Variants in CTNNBL1 observed in about 807,000 individuals in gnomAD.
The protein encoded by CTNNBL1 is beta-catenin-like protein 1.
A neutral mutation model predicts 72.7 loss-of-function variants in CTNNBL1; 31 were observed. The observed-to-expected ratio is 0.43, with a 90% confidence interval of 0.32 to 0.58. The LOEUF is 0.58. Ranked by LOEUF, CTNNBL1 falls within the 20% of genes least tolerant of loss-of-function variation. The probability of loss-of-function intolerance (pLI) is 0.08; values close to 1 mark genes in which losing one functional copy is unlikely to be tolerated. For missense variants in CTNNBL1, 534 were observed against 725.1 expected (o/e 0.74, Z 3.03); for synonymous variants, 240 against 267.3 (o/e 0.90, Z 1.00).
chr20:37,865,991 C>T (rs1053929045), intron 15 of CTNNBL1, among the ~76,000 whole-genome samples: 3 of 152,168 alleles, frequency 2.0e-5, no homozygotes, highest in Non-Finnish European at 4.4e-5. Context: ...CTTGGTAACC[C>T]AATTTGTGTG....
chr20:37,709,327 A>C (rs182931346), intron 1 of CTNNBL1, among the ~76,000 whole-genome samples: 1 of 152,278 alleles, frequency 6.6e-6, no homozygotes, highest in African/African-American at 2.4e-5. Flanking sequence ...AATACATAAA[A>C]TTGAGGGTTG....
At chr20:37,870,660 C>G (rs895803199) in intron 15 of CTNNBL1, among the ~76,000 whole-genome samples, 1 of 152,188 alleles carries the variant, frequency 6.6e-6, no homozygotes, top group Admixed American at 6.5e-5. Context: ...TTGCTTCCCC[C>G]ATGGTGTCCC....
At chr20:37,776,749 T>A (rs1459650224) in intron 7 of CTNNBL1, among the ~76,000 whole-genome samples, 1 of 152,198 alleles carries the variant, frequency 6.6e-6, no homozygotes, top group Non-Finnish European at 1.5e-5. Flanking sequence ...GTAATTTGGG[T>A]GTTAAAATAT....
At chr20:37,808,314 A>ACGC (rs2071978382) in intron 11 of CTNNBL1, among the ~76,000 whole-genome samples, 1 of 152,174 alleles carries the variant, frequency 6.6e-6, no homozygotes, top group Non-Finnish European at 1.5e-5. Flanking sequence ...CAGAGCTCCC[A>ACGC]CGCCGCCTCC....
At chr20:37,756,703 T>C (rs1319144342) in intron 4 of CTNNBL1, among the ~76,000 whole-genome samples, 1 of 145,344 alleles carries the variant, frequency 6.9e-6, no homozygotes, top group African/African-American at 2.5e-5. Flanking sequence ...AGTGACACGA[T>C]CATAGCTCAC....
At chr20:37,769,252 C>T (rs544663276) in intron 7 of CTNNBL1, among the ~76,000 whole-genome samples, 12 of 152,250 alleles carry the variant, frequency 7.9e-5, no homozygotes, top group South Asian at 2.1e-4. Flanking sequence ...TTTATCTGTA[C>T]GATAAATTCA....
chr20:37,755,836 C>A (rs1361742028), intron 4 of CTNNBL1, among the ~76,000 whole-genome samples: 1 of 152,218 alleles, frequency 6.6e-6, no homozygotes, highest in Non-Finnish European at 1.5e-5. Flanking sequence ...CCACAACTAC[C>A]CACACATGCT....
chr20:37,722,629 A>G (rs1381235545), intron 1 of CTNNBL1, among the ~76,000 whole-genome samples: 2 of 152,144 alleles, frequency 1.3e-5, no homozygotes, highest in African/African-American at 4.8e-5. Context: ...TAATCTTCCT[A>G]TCCCTTAGCT....
At chr20:37,842,264 G>A (rs1254044042) in intron 12 of CTNNBL1, 75 bp from the exon 13 acceptor site, 25 of 1,004,496 alleles carry the variant, frequency 2.5e-5, no homozygotes, top group Non-Finnish European at 3.8e-5. Context: ...ACAGTGAGAT[G>A]AATAGGAGTG....
intron 1 of CTNNBL1, among the ~76,000 whole-genome samples, chr20:37,723,618 T>A (rs866241521): frequency 1.5e-4 from 23 of 152,354 alleles, no homozygotes; most frequent in Middle Eastern, 3.4e-3. Context: ...TATATTTGAA[T>A]ATCTGGCATT....
At chr20:37,862,638 G>A (rs1232596235) in intron 15 of CTNNBL1, among the ~76,000 whole-genome samples, 1 of 152,192 alleles carries the variant, frequency 6.6e-6, no homozygotes, top group Non-Finnish European at 1.5e-5. Flanking sequence ...GAGCGAACCA[G>A]TGAAGGGTCT....
At chr20:37,738,682 T>C (rs1481387082) in intron 3 of CTNNBL1, among the ~76,000 whole-genome samples, 1 of 152,138 alleles carries the variant, frequency 6.6e-6, no homozygotes, top group African/African-American at 2.4e-5. Flanking sequence ...ACAGACACTT[T>C]AAAAGAGATA....
At position 37,739,556 on chromosome 20, in the gene CTNNBL1, G is replaced by T. The variant is rs80265101; in HGVS notation, c.326+2072G>T. On this transcript the variant is annotated intron_variant, in intron 3 of 15. Coordinates refer to ENST00000361383, the MANE Select transcript of CTNNBL1 (RefSeq NM_030877.5). ...TAGATACCTAAATTTTGAATTCCCA[G>T]ATTGAAGGGTATGTACATTTTAATG... Among the ~76,000 whole-genome samples the T allele has an allele frequency of 4.1e-3, 631 of 152,260 alleles. 5 individuals carry two copies. The highest frequency in any genetic ancestry group is 0.014 in the African/African-American group (599 of 41,548).
At chr20:37,813,958 T>G (rs1301081522) in intron 11 of CTNNBL1, among the ~76,000 whole-genome samples, 1 of 152,214 alleles carries the variant, frequency 6.6e-6, no homozygotes, top group African/African-American at 2.4e-5. Flanking sequence ...GGGGGCCTTT[T>G]TTGTTCTTTG....
chr20:37,751,898 A>G (rs2073323429), intron 4 of CTNNBL1, among the ~76,000 whole-genome samples: 1 of 152,230 alleles, frequency 6.6e-6, no homozygotes, highest in Admixed American at 6.5e-5. Flanking sequence ...TTAAAATTAC[A>G]TTTAGAAGAA....
intron 1 of CTNNBL1, among the ~76,000 whole-genome samples, chr20:37,719,715 AG>A (rs1392475801): frequency 6.6e-6 from 1 of 152,208 alleles, no homozygotes; most frequent in Non-Finnish European, 1.5e-5. Flanking sequence ...AAATGTTAGA[AG>A]ATATTTTATT....
chr20:37,743,328 C>T (rs998314018), intron 3 of CTNNBL1, among the ~76,000 whole-genome samples: 4 of 148,750 alleles, frequency 2.7e-5, no homozygotes, highest in African/African-American at 1.0e-4. Flanking sequence ...GATCTCCTGG[C>T]CCATGGAATA....
At chr20:37,843,395 G>A (rs1262524859) in intron 13 of CTNNBL1, among the ~76,000 whole-genome samples, 1 of 152,160 alleles carries the variant, frequency 6.6e-6, no homozygotes, top group Non-Finnish European at 1.5e-5. Context: ...ATCCAGCTAA[G>A]GCTACCGTGT....
At chr20:37,790,207 T>C (rs1368617576) in intron 10 of CTNNBL1, among the ~76,000 whole-genome samples, 1 of 152,242 alleles carries the variant, frequency 6.6e-6, no homozygotes, top group Non-Finnish European at 1.5e-5. Context: ...AGCATATAGA[T>C]AGGCCAGCCT....
Sources: gnomAD v4.1 joint callset for allele counts (sites outside exome capture counted in the v4.1 genomes callset) on GRCh38, gnomAD v4.1.1 for gene constraint, MANE v1.5 for transcripts, NCBI Gene and HGNC (gene_info 2026-07-23, HGNC 2026-07-21) for gene names.